PRKN: variants seen among roughly 807,000 people sequenced by gnomAD.
The protein encoded by PRKN is parkin RBR E3 ubiquitin protein ligase.
PRKN carries 56 observed loss-of-function variants against 59.5 expected under a neutral mutation model. That is an observed-to-expected ratio of 0.94 (90% confidence interval 0.76 to 1.18). The LOEUF is 1.18. PRKN is among the 50% of genes most tolerant of loss of function. PRKN has a pLI of 0.00. For synonymous variants in PRKN, 250 were observed against 222.1 expected, an observed-to-expected ratio of 1.13 and a Z score of -1.12; for missense variants, 657 against 596.4, an observed-to-expected ratio of 1.10 and a Z score of -1.06.
rs911988476 is a variant in PRKN, at chr6:162,569,937, C to G, written c.8-126464G>C. Among the ~76,000 whole-genome samples the G allele has an allele frequency of 1.3e-5, 2 of 152,144 alleles. 1 individual carries two copies. The highest frequency in any genetic ancestry group is 4.2e-4 in the South Asian group (2 of 4,818). On this transcript the variant is annotated intron_variant, in intron 1 of 11. Transcript: ENST00000366898. ...ACAACTCAACTGCTTTTATTTTTTT[C>G]CCCCCAAAATAAAACCTCAGCTAGC...
intron 9 of PRKN, among the ~76,000 whole-genome samples, chr6:161,537,267 C>T (rs575156779): frequency 1.3e-5 from 2 of 152,264 alleles, no homozygotes; most frequent in South Asian, 4.1e-4. Context: ...TTTCAGGACA[C>T]ATCCATTCCA....
intron 6 of PRKN, among the ~76,000 whole-genome samples, chr6:161,930,900 C>T (rs1477743937): frequency 1.3e-5 from 2 of 152,180 alleles, no homozygotes; most frequent in African/African-American, 4.8e-5. Flanking sequence ...CCAGGAATGG[C>T]AGCACCTCCA....
Position 161,757,886 on chromosome 6 carries a change from T to TACAC in PRKN, c.871+27882_871+27885dup, listed in dbSNP as rs373332894. On this transcript the variant is annotated intron_variant, in intron 7 of 11. Coordinates refer to ENST00000366898, the MANE Select transcript of PRKN (RefSeq NM_004562.3). ...CTCTCTCTCTCTGTGTATATATATA[T>TACAC]ACACACACACACACACACACACACA... 1.1e-3 allele frequency among the ~76,000 whole-genome samples: 130 copies of TACAC among 116,242 alleles called. 6 individuals carry two copies. The highest frequency in any genetic ancestry group is 5.7e-4 in the South Asian group (2 of 3,504). 76.3% of individuals were successfully genotyped at this position (116,242 alleles called of 152,430 possible). A position where few individuals can be genotyped will look rare whatever the true frequency, so the allele number is the denominator to read the frequency against.
At chr6:161,728,424 G>A (rs558513277) in intron 7 of PRKN, among the ~76,000 whole-genome samples, 10 of 152,196 alleles carry the variant, frequency 6.6e-5, no homozygotes, top group Admixed American at 3.3e-4. Context: ...CCGTGTGAGG[G>A]ATCCCACCAG....
At chr6:161,958,430 G>GA (rs1329113539) in intron 6 of PRKN, among the ~76,000 whole-genome samples, 1 of 151,952 alleles carries the variant, frequency 6.6e-6, no homozygotes, top group Non-Finnish European at 1.5e-5. Context: ...ATTTTTAAGG[G>GA]AATCATTTAT....
intron 7 of PRKN, among the ~76,000 whole-genome samples, chr6:161,631,737 T>G (rs1294151205): frequency 1.3e-5 from 2 of 150,290 alleles, no homozygotes; most frequent in Non-Finnish European, 2.9e-5. Context: ...TCATTTTCTA[T>G]ATGCAGTTGC....
At chr6:162,159,700 G>A (rs572374310) in intron 4 of PRKN, among the ~76,000 whole-genome samples, 43 of 152,280 alleles carry the variant, frequency 2.8e-4, no homozygotes, top group African/African-American at 9.9e-4. Context: ...ACTTTTCTTT[G>A]AGTTTTATTA....
intron 4 of PRKN, among the ~76,000 whole-genome samples, chr6:162,130,418 T>C (rs1428732933): frequency 6.6e-6 from 1 of 152,068 alleles, no homozygotes; most frequent in South Asian, 2.1e-4. Context: ...ACACGTAATT[T>C]TGCATGCATT....
At chr6:161,936,417 G>T (rs1320181140) in intron 6 of PRKN, among the ~76,000 whole-genome samples, 1 of 151,952 alleles carries the variant, frequency 6.6e-6, no homozygotes, top group Non-Finnish European at 1.5e-5. Flanking sequence ...CATTGTGTTA[G>T]CCAGGATGGT....
At chr6:161,952,546 G>A (rs899269051) in intron 6 of PRKN, among the ~76,000 whole-genome samples, 8 of 152,180 alleles carry the variant, frequency 5.3e-5, no homozygotes, top group Non-Finnish European at 1.2e-4. Context: ...CTGCACCCAG[G>A]AGGCAGAGGC....
chr6:161,702,377 C>A (rs1786290023), intron 7 of PRKN, among the ~76,000 whole-genome samples: 1 of 152,116 alleles, frequency 6.6e-6, no homozygotes, highest in African/African-American at 2.4e-5. Context: ...GAAATTCTGA[C>A]CCAGCCTATG....
At chr6:162,479,137 T>G (rs1232595961) in intron 1 of PRKN, among the ~76,000 whole-genome samples, 2 of 152,150 alleles carry the variant, frequency 1.3e-5, no homozygotes, top group Admixed American at 6.5e-5. Context: ...AACACACAAA[T>G]GTATTGCACA....
At chr6:161,691,586 C>T (rs1340054963) in intron 7 of PRKN, among the ~76,000 whole-genome samples, 3 of 152,184 alleles carry the variant, frequency 2.0e-5, no homozygotes, top group African/African-American at 4.8e-5. Context: ...GCTTCTCTAA[C>T]ACATGTATTT....
At chr6:162,418,256 AAGAT>A (rs1788748670) in intron 2 of PRKN, among the ~76,000 whole-genome samples, 1 of 152,232 alleles carries the variant, frequency 6.6e-6, no homozygotes, top group African/African-American at 2.4e-5. Context: ...CAATCACAAA[AAGAT>A]ATATATTGTG....
At chr6:162,229,949 T>C (rs1054874898) in intron 3 of PRKN, among the ~76,000 whole-genome samples, 2 of 152,200 alleles carry the variant, frequency 1.3e-5, no homozygotes, top group African/African-American at 2.4e-5. Flanking sequence ...ATCCTGCCTG[T>C]TGTTTTCACC....
chr6:162,324,258 A>T (rs1783167994), intron 2 of PRKN, among the ~76,000 whole-genome samples: 1 of 152,140 alleles, frequency 6.6e-6, no homozygotes, highest in South Asian at 2.1e-4. Flanking sequence ...CAGGAAGCAG[A>T]TTAGCAGCTT....
In PRKN at chr6:162,626,505, T is replaced by TA. The variant is rs560536695; in HGVS notation, c.7+101156dup. On this transcript the variant is annotated intron_variant, in intron 1 of 11. Coordinates refer to ENST00000366898, the MANE Select transcript of PRKN (RefSeq NM_004562.3). ...AAGAAACAGAATACTTTATAATATTTAAAAAAACTATCTGGATATGGTGGC... is the reference window on the plus strand; with the variant it reads ...AAGAAACAGAATACTTTATAATATTTAAAAAAAACTATCTGGATATGGTGGC... Among the ~76,000 whole-genome samples the TA allele has an allele frequency of 1.6e-3, 247 of 152,216 alleles. 3 individuals carry two copies. Among genetic ancestry groups the TA allele is most frequent in the South Asian group, 8.3e-3 (40 of 4,812 alleles).
chr6:162,564,389 G>C (rs1779975982), intron 1 of PRKN, among the ~76,000 whole-genome samples: 1 of 152,054 alleles, frequency 6.6e-6, no homozygotes, highest in Non-Finnish European at 1.5e-5. Flanking sequence ...TGGCCTATTG[G>C]CCTTAAAGAG....
Position 161,423,617 on chromosome 6 carries a change from T to C in PRKN, c.1084-36740A>G, listed in dbSNP as rs1788203288. ...CAATCCCAAGCTGGAATTCATAAAA[T>C]TGGCTGGTCTGTTTAAAGCTGCCTC... On this transcript the variant is annotated intron_variant, in intron 9 of 11. Coordinates refer to ENST00000366898, the MANE Select transcript of PRKN (RefSeq NM_004562.3). The surrounding 1 kb of genome is among the most constrained non-coding windows in gnomAD (Gnocchi z 5.9). Among the ~76,000 whole-genome samples, 1 of 152,142 alleles carries C rather than the reference T, an allele frequency of 6.6e-6. No homozygotes were observed. The highest frequency in any genetic ancestry group is 2.4e-5 in the African/African-American group (1 of 41,422).
Sources: gnomAD v4.1 joint callset for allele counts (sites outside exome capture counted in the v4.1 genomes callset) on GRCh38, gnomAD v4.1.1 for gene constraint, Gnocchi (gnomAD v3.1) non-coding constraint, MANE v1.5 for transcripts, NCBI Gene and HGNC (gene_info 2026-07-23, HGNC 2026-07-21) for gene names.